Variants in PSD3 observed in about 807,000 individuals in gnomAD.
PSD3 encodes PH and SEC7 domain-containing protein 3.
Under a neutral mutation model 105.5 loss-of-function variants are expected in PSD3, and 49 were observed. The observed-to-expected ratio is 0.46, with a 90% CI of 0.37 to 0.59. The LOEUF (loss-of-function observed/expected upper bound fraction) is 0.59, where lower values mean the gene tolerates loss of function less well. Among genes scored for constraint, PSD3 ranks in the 20% least tolerant of loss-of-function variants. PSD3 has a pLI of 0.00. For missense variants in PSD3, 1,561 were observed against 1,263.8 expected, an observed-to-expected ratio of 1.24 and a Z score of -3.57; for synonymous variants, 557 against 457.8, an observed-to-expected ratio of 1.22 and a Z score of -2.77.
At chr8:19,079,382 G>A (rs937005147) in intron 1 of PSD3, among the ~76,000 whole-genome samples, 2 of 152,094 alleles carry the variant, frequency 1.3e-5, no homozygotes, top group Non-Finnish European at 2.9e-5. Context: ...CTATATATCT[G>A]TTAAAATTAC....
chr8:18,930,843 C>T (rs1444998270), intron 2 of PSD3, among the ~76,000 whole-genome samples: 5 of 152,174 alleles, frequency 3.3e-5, no homozygotes, highest in South Asian at 2.1e-4. Flanking sequence ...GCTGGGATTA[C>T]AGGCATGAGC....
intron 14 of PSD3, among the ~76,000 whole-genome samples, chr8:18,564,607 T>G (rs573844925): frequency 7.0e-6 from 1 of 143,530 alleles, no homozygotes; most frequent in Non-Finnish European, 1.5e-5. Context: ...CCAGCCTGGG[T>G]GATAGAGTGA....
intron 9 of PSD3, among the ~76,000 whole-genome samples, chr8:18,686,712 G>A (rs1020034577): frequency 2.6e-5 from 4 of 152,114 alleles, no homozygotes; most frequent in Non-Finnish European, 1.5e-5. Flanking sequence ...ATCTTTGTCA[G>A]TCAGGCCTGA....
At chr8:18,554,736 G>T (rs1800966698) in intron 15 of PSD3, among the ~76,000 whole-genome samples, 2 of 152,104 alleles carry the variant, frequency 1.3e-5, no homozygotes. Flanking sequence ...AGGTAACAAA[G>T]ACAGATGAAA....
intron 1 of PSD3, among the ~76,000 whole-genome samples, chr8:18,972,958 A>T (rs940519269): frequency 6.6e-6 from 1 of 152,208 alleles, no homozygotes; most frequent in Non-Finnish European, 1.5e-5. Flanking sequence ...GATTTTCTAG[A>T]TTCTGAAACA....
rs569026157 is a variant in PSD3 at position 19,008,089 on chromosome 8, C to A, written c.21+5474G>T. On this transcript the variant is annotated intron_variant, in intron 1 of 15. Transcript: ENST00000327040. ...ACTCCGCTGACCTCAGGCGATCCAC[C>A]CGCCTCGGGCTCCCAAAGTGCTGGG... 3.3e-5 allele frequency among the ~76,000 whole-genome samples: 5 copies of A among 152,314 alleles called. No individual in the cohort carries two copies. The South Asian group carries it at 1.0e-3, about 32-fold the overall frequency.
intron 1 of PSD3, among the ~76,000 whole-genome samples, chr8:19,026,657 G>A (rs1206926541): frequency 7.3e-6 from 1 of 137,662 alleles, no homozygotes; most frequent in Non-Finnish European, 1.5e-5. Flanking sequence ...TTGAGGCCAG[G>A]AGTTCGAGAC....
intron 1 of PSD3, among the ~76,000 whole-genome samples, chr8:18,993,064 A>G (rs1399795261): frequency 6.6e-6 from 1 of 152,204 alleles, no homozygotes; most frequent in Non-Finnish European, 1.5e-5. Flanking sequence ...TTTAATCCAG[A>G]ATATCTAGGG....
At chr8:18,891,342 A>G (rs1037161066) in intron 2 of PSD3, among the ~76,000 whole-genome samples, 11 of 152,216 alleles carry the variant, frequency 7.2e-5, no homozygotes, top group Non-Finnish European at 1.0e-4. Context: ...AACAATAAAT[A>G]AATGCGTTTT....
chr8:19,050,083 G>A (rs1472461667), intron 1 of PSD3, among the ~76,000 whole-genome samples: 1 of 152,170 alleles, frequency 6.6e-6, no homozygotes, highest in African/African-American at 2.4e-5. Flanking sequence ...TTAATTCTTA[G>A]ATCAAGAGCT....
At chr8:19,054,316 G>A (rs1828635405) in intron 1 of PSD3, among the ~76,000 whole-genome samples, 1 of 152,200 alleles carries the variant, frequency 6.6e-6, no homozygotes, top group Non-Finnish European at 1.5e-5. Context: ...TTGAGATTCA[G>A]GAGTTTATCT....
rs140128078 is a variant in PSD3, at chr8:18,651,848, T to C, written c.2216+3794A>G. On this transcript the variant is annotated intron_variant, in intron 10 of 15. Coordinates refer to ENST00000327040, the MANE Select transcript of PSD3 (RefSeq NM_015310.4). ...CAGAGGTGACTTCACGAACACTGAA[T>C]GGAGAACAAAATCAATTATTGGCAG... 3.8e-4 allele frequency among the ~76,000 whole-genome samples: 58 copies of C among 152,268 alleles called. 1 individual carries two copies. In the East Asian group the frequency reaches 9.1e-3, roughly 24 times the overall value.
chr8:18,567,960 A>T (rs1015964635), intron 14 of PSD3, among the ~76,000 whole-genome samples: 3 of 152,202 alleles, frequency 2.0e-5, no homozygotes, highest in African/African-American at 7.2e-5. Context: ...ATAATGAGGT[A>T]GTTCTTGCTT....
intron 2 of PSD3, among the ~76,000 whole-genome samples, chr8:18,930,138 C>G (rs973796014): frequency 6.6e-6 from 1 of 152,132 alleles, no homozygotes; most frequent in African/African-American, 2.4e-5. Context: ...AAGGGCTCCA[C>G]AGGCACCATA....
intron 9 of PSD3, among the ~76,000 whole-genome samples, chr8:18,715,306 A>G (rs1648265024): frequency 6.6e-6 from 1 of 152,204 alleles, no homozygotes; most frequent in Non-Finnish European, 1.5e-5. Flanking sequence ...ACAAACCACT[A>G]AATTAACATA....
At chr8:18,667,612 G>C (rs1799546663) in intron 9 of PSD3, among the ~76,000 whole-genome samples, 1 of 152,188 alleles carries the variant, frequency 6.6e-6, no homozygotes. Flanking sequence ...GAGCCCAGCT[G>C]GCTTCACCCA....
chr8:18,972,030 A>G (rs1325607311), intron 1 of PSD3, among the ~76,000 whole-genome samples: 1 of 152,164 alleles, frequency 6.6e-6, no homozygotes, highest in South Asian at 2.1e-4. Flanking sequence ...AAAATACTAT[A>G]AAGAGTCAGA....
intron 8 of PSD3, among the ~76,000 whole-genome samples, chr8:18,767,305 T>C (rs1807079959): frequency 6.6e-6 from 1 of 152,224 alleles, no homozygotes; most frequent in Non-Finnish European, 1.5e-5. Flanking sequence ...TAGTAGAAGC[T>C]GCTAGCTGTG....
chr8:18,921,506 A>G (rs576281185), intron 2 of PSD3, among the ~76,000 whole-genome samples: 39 of 152,342 alleles, frequency 2.6e-4, no homozygotes, highest in Admixed American at 7.8e-4. Flanking sequence ...GGAGATCCTC[A>G]TGCTGGCAGA....
Sources: allele counts gnomAD v4.1 joint callset (sites outside exome capture counted in the v4.1 genomes callset), GRCh38; gene constraint gnomAD v4.1.1; transcripts MANE v1.5; gene names NCBI Gene and HGNC (gene_info 2026-07-23, HGNC 2026-07-21).